NXF2: variants seen among roughly 807,000 people sequenced by gnomAD.
NXF2 encodes the protein TAP-like protein 2.
intron 2 of NXF2, among the ~76,000 whole-genome samples, chrX:102,282,434 G>C (rs1249698068): frequency 8.8e-6 from 1 of 113,588 alleles, no homozygotes; most frequent in Non-Finnish European, 1.9e-5. Flanking sequence ...GGGTGGCGTC[G>C]GTAATTCAGG....
In NXF2 at chrX:102,274,470, GACT is replaced by G. The variant is rs1312100419; in HGVS notation, c.-54+25916_-54+25918del. Among the ~76,000 whole-genome samples the G allele has an allele frequency of 2.8e-3, 11 of 3,937 alleles. 4 individuals are homozygous for G. The highest frequency in any genetic ancestry group is 0.014 in the East Asian group (3 of 209). 3.4% of individuals were successfully genotyped at this position (3,937 alleles called of 115,157 possible). A position where few individuals can be genotyped will look rare whatever the true frequency, so the allele number is the denominator to read the frequency against. ...AGATGATGACAACAACGACGATGAT[GACT>G]ACTTCTTCTTCTTCTTCTTCTTCTT... On this transcript the variant is annotated intron_variant, in intron 2 of 22. Coordinates refer to ENST00000625106, the MANE Select transcript of NXF2 (RefSeq NM_022053.4).
At chrX:102,274,539 TTCC>T (rs1933889200) in intron 2 of NXF2, among the ~76,000 whole-genome samples, 1 of 3,496 alleles carries the variant, frequency 2.9e-4, no homozygotes, top group Non-Finnish European at 6.3e-4. Context: ...CCTCTTCCTC[TTCC>T]TCTTCTTCCT....
chrX:102,251,317 G>A (rs1261247418), intron 2 of NXF2, among the ~76,000 whole-genome samples: 2 of 49,815 alleles, frequency 4.0e-5, no homozygotes, highest in Non-Finnish European at 7.0e-5. Flanking sequence ...CATTACTCCC[G>A]CGAATAACCC....
intron 2 of NXF2, among the ~76,000 whole-genome samples, chrX:102,294,039 G>C (rs1453710333): frequency 2.8e-5 from 2 of 70,680 alleles, no homozygotes; most frequent in Non-Finnish European, 4.8e-5. Context: ...TCTCCCTGTT[G>C]TGGGGTGGGG....
intron 2 of NXF2, among the ~76,000 whole-genome samples, chrX:102,294,422 T>C (rs1431223854): frequency 1.1e-5 from 1 of 93,077 alleles, no homozygotes; most frequent in Non-Finnish European, 2.2e-5. Flanking sequence ...CAGAGATAAA[T>C]GGCTCCACAG....
At chrX:102,282,359 G>A (rs1486506619) in intron 2 of NXF2, among the ~76,000 whole-genome samples, 1 of 114,918 alleles carries the variant, frequency 8.7e-6, no homozygotes, top group African/African-American at 3.2e-5. Flanking sequence ...AAATGCTGTG[G>A]TCTCCCTCCC....
chrX:102,251,965 A>ATGTTTTGTTTTGTTT (rs1233142733), intron 2 of NXF2, among the ~76,000 whole-genome samples: 12,807 of 103,280 alleles, frequency 0.12, 104 homozygotes, highest in East Asian at 0.43. Flanking sequence ...GGGTTCTGCC[A>ATGTTTTGTTTTGTTT]TGTTTTGTTT....
At chrX:102,281,422 C>T (rs1256354095) in intron 2 of NXF2, among the ~76,000 whole-genome samples, 1 of 113,488 alleles carries the variant, frequency 8.8e-6, no homozygotes, top group Admixed American at 9.2e-5. Context: ...GTGAGTGCTG[C>T]CAGGACTAGG....
chrX:102,252,382 C>T (rs1173381072), intron 2 of NXF2, among the ~76,000 whole-genome samples: 1 of 10,627 alleles, frequency 9.4e-5, no homozygotes, highest in Admixed American at 9.9e-4. Flanking sequence ...CTTGTGCATG[C>T]TGTGTTATAT....
chrX:102,281,467 C>T (rs1556383878), intron 2 of NXF2, among the ~76,000 whole-genome samples: 1 of 114,578 alleles, frequency 8.7e-6, no homozygotes, highest in African/African-American at 3.2e-5. Flanking sequence ...CCCTTCTGGC[C>T]CAGGACGTGT....
intron 2 of NXF2, among the ~76,000 whole-genome samples, chrX:102,281,695 G>T (rs1228208575): frequency 1.9e-5 from 2 of 103,740 alleles, no homozygotes; most frequent in Non-Finnish European, 3.9e-5. Context: ...CACTCCCTTG[G>T]CTGCCCCAGC....
At chrX:102,294,150 C>G (rs1556385127) in intron 2 of NXF2, among the ~76,000 whole-genome samples, 2 of 99,633 alleles carry the variant, frequency 2.0e-5, no homozygotes, top group Non-Finnish European at 3.9e-5. Flanking sequence ...TGTAACAAAC[C>G]TGCACGTTGT....
intron 2 of NXF2, among the ~76,000 whole-genome samples, chrX:102,298,514 T>C (rs1174939628): frequency 1.2e-5 from 1 of 80,243 alleles, no homozygotes; most frequent in Non-Finnish European, 2.4e-5. Context: ...CCAGGGAGAC[T>C]TAAGCATGGC....
chrX:102,248,697 G>A (rs1933810692), intron 2 of NXF2, 139 bp downstream of exon 2: 1 of 46,295 alleles, frequency 2.2e-5, no homozygotes, highest in African/African-American at 9.7e-5. Flanking sequence ...CCACCCTAGT[G>A]TTATGGGGGC....
intron 2 of NXF2, among the ~76,000 whole-genome samples, chrX:102,293,888 T>C (rs1174566944): frequency 6.2e-5 from 2 of 32,253 alleles, no homozygotes; most frequent in Non-Finnish European, 1.0e-4. Flanking sequence ...GTACTTTTCT[T>C]TTATACCTCA....
intron 2 of NXF2, among the ~76,000 whole-genome samples, chrX:102,282,351 A>G (rs1260665010): frequency 6.1e-5 from 7 of 114,909 alleles, no homozygotes; most frequent in African/African-American, 1.9e-4. Flanking sequence ...TGCTTCACAA[A>G]TGCTGTGGTC....
chrX:102,298,633 C>T (rs1556385433), intron 2 of NXF2, among the ~76,000 whole-genome samples: 2 of 102,891 alleles, frequency 1.9e-5, no homozygotes, highest in African/African-American at 3.5e-5. Context: ...CCATGGCAGC[C>T]GGTGTCCCAG....
At chrX:102,298,600 C>T (rs1198709427) in intron 2 of NXF2, among the ~76,000 whole-genome samples, 1 of 90,645 alleles carries the variant, frequency 1.1e-5, no homozygotes, top group Non-Finnish European at 2.2e-5. Flanking sequence ...TCTCCTTACC[C>T]TCAAGCGTAT....
intron 2 of NXF2, among the ~76,000 whole-genome samples, chrX:102,281,988 T>C (rs1408330284): frequency 4.1e-5 from 1 of 24,480 alleles, no homozygotes; most frequent in African/African-American, 8.9e-5. Context: ...TTTTTTTTTT[T>C]TTTGTATTTT....
Sources: allele counts gnomAD v4.1 joint callset (sites outside exome capture counted in the v4.1 genomes callset), GRCh38; gene constraint gnomAD v4.1.1; transcripts MANE v1.5; gene names NCBI Gene and HGNC (gene_info 2026-07-23, HGNC 2026-07-21).